The following SLCO2A1 variants were observed in gnomAD, a reference collection of about 807,000 sequenced individuals.
SLCO2A1 encodes matrin F/G 1.
In SLCO2A1, 60 loss-of-function variants were observed where a neutral mutation model predicts 71.7. That is an observed-to-expected ratio of 0.84 (90% CI 0.68 to 1.04). The LOEUF is 1.04. Ranked by LOEUF, SLCO2A1 falls within the 50% of genes least tolerant of loss-of-function variation. SLCO2A1 has a pLI of 0.00. For synonymous variants in SLCO2A1, 308 were observed against 326.7 expected, an observed-to-expected ratio of 0.94 and a Z score of 0.62; for missense variants, 745 against 813.4, an observed-to-expected ratio of 0.92 and a Z score of 1.02.
At chr3:133,978,472 G>A (rs778845401) in intron 2 of SLCO2A1, among the ~76,000 whole-genome samples, 1 of 152,120 alleles carries the variant, frequency 6.6e-6, no homozygotes, top group Non-Finnish European at 1.5e-5. Context: ...ATCAAGGAAG[G>A]GGGAGGGGTG....
chr3:134,009,661 T>C (rs1381428877), intron 1 of SLCO2A1, among the ~76,000 whole-genome samples: 1 of 152,180 alleles, frequency 6.6e-6, no homozygotes, highest in Non-Finnish European at 1.5e-5. Flanking sequence ...CTTACAACCA[T>C]GGGTTAGGGA....
chr3:133,998,537 T>C (rs779335750), intron 1 of SLCO2A1: 1 of 152,340 alleles, frequency 6.6e-6, no homozygotes, highest in African/African-American at 2.4e-5. Flanking sequence ...TGACTGTTCA[T>C]GTCCCATGAG....
At chr3:133,986,788 C>T (rs1050436369) in intron 1 of SLCO2A1, among the ~76,000 whole-genome samples, 9 of 152,144 alleles carry the variant, frequency 5.9e-5, no homozygotes, top group African/African-American at 2.2e-4. Flanking sequence ...GGTGGATAAG[C>T]CACAGGACAA....
chr3:134,027,678 C>A (rs1429751919), intron 1 of SLCO2A1, among the ~76,000 whole-genome samples: 1 of 152,214 alleles, frequency 6.6e-6, no homozygotes, highest in Non-Finnish European at 1.5e-5. Context: ...ATATGTGCAA[C>A]CCATCCCCCA....
intron 1 of SLCO2A1, among the ~76,000 whole-genome samples, chr3:133,991,313 A>G (rs1459726231): frequency 1.3e-5 from 2 of 152,190 alleles, no homozygotes; most frequent in African/African-American, 4.8e-5. Flanking sequence ...AAAGCCCTCC[A>G]TCAGCCGTTG....
chr3:133,939,233 A>T, intron 11 of SLCO2A1, among the ~76,000 whole-genome samples: 1 of 152,152 alleles, frequency 6.6e-6, no homozygotes, highest in East Asian at 1.9e-4. Context: ...TCAAGAGAGG[A>T]AAATGTGTTT....
intron 9 of SLCO2A1, among the ~76,000 whole-genome samples, chr3:133,946,190 C>A (rs1057245855): frequency 6.6e-6 from 1 of 151,502 alleles, no homozygotes; most frequent in Non-Finnish European, 1.5e-5. Flanking sequence ...TTCCCCCAAA[C>A]CCCTTCTCTC....
chr3:133,987,131 G>GCCCCCCCCCCCCCCC (rs71136502), intron 1 of SLCO2A1, among the ~76,000 whole-genome samples: 5 of 105,032 alleles, frequency 4.8e-5, no homozygotes, highest in Admixed American at 9.5e-5. Context: ...AAAATTCAAA[G>GCCCCCCCCCCCCCCC]CCCCCCCCCC....
At chr3:134,022,421 A>G (rs922362714) in intron 1 of SLCO2A1, among the ~76,000 whole-genome samples, 2 of 150,684 alleles carry the variant, frequency 1.3e-5, no homozygotes, top group African/African-American at 5.0e-5. Context: ...TAAAAAGTTA[A>G]AAAAAATTAT....
In SLCO2A1 at chr3:133,958,908, G is replaced by A. The variant is rs78179912; in HGVS notation, c.398-3715C>T. ...GCTTGGCTGAGCCATTCCCCTCGGTGTGACAGTGGCTCTCTGTGGCACGTT... is the reference window on the plus strand; with the variant it reads ...GCTTGGCTGAGCCATTCCCCTCGGTATGACAGTGGCTCTCTGTGGCACGTT... On this transcript the variant is annotated intron_variant, in intron 3 of 13. Transcript: ENST00000310926. Among the ~76,000 whole-genome samples the A allele has an allele frequency of 9.1e-3, 1,383 of 152,314 alleles. 10 individuals carry two copies. Among genetic ancestry groups the A allele is most frequent in the Non-Finnish European group, 0.016 (1,113 of 68,038 alleles).
At chr3:133,941,897 C>T (rs749110837) in intron 11 of SLCO2A1, among the ~76,000 whole-genome samples, 4 of 152,202 alleles carry the variant, frequency 2.6e-5, no homozygotes, top group Non-Finnish European at 4.4e-5. Context: ...ATAAGCAAAC[C>T]TACAGGCATT....
chr3:133,999,300 A>G (rs1255202582), intron 1 of SLCO2A1, among the ~76,000 whole-genome samples: 1 of 152,230 alleles, frequency 6.6e-6, no homozygotes, highest in East Asian at 1.9e-4. Context: ...GCAATGATGC[A>G]CACAGTTTAC....
chr3:134,005,428 A>T (rs1935185472), intron 1 of SLCO2A1, among the ~76,000 whole-genome samples: 1 of 150,266 alleles, frequency 6.7e-6, no homozygotes, highest in Non-Finnish European at 1.5e-5. Context: ...TTTTTATCCA[A>T]TCTGAGATGC....
Position 134,016,574 on chromosome 3 carries a change from C to T in SLCO2A1, c.96+13133G>A, listed in dbSNP as rs967566390. Among the ~76,000 whole-genome samples, 4 of 152,218 alleles carry T rather than the reference C, an allele frequency of 2.6e-5. No individual in the cohort carries two copies. In the South Asian group the frequency reaches 6.2e-4, roughly 24 times the overall value. Reference sequence around the variant, plus strand: ...GGTGTCACAGCAACTGGGTCTCTCACATATGGCTGGTGAAAATGTAAACTG... The same window carrying T: ...GGTGTCACAGCAACTGGGTCTCTCATATATGGCTGGTGAAAATGTAAACTG... On this transcript the variant is annotated intron_variant, in intron 1 of 13. Transcript: ENST00000310926.
At chr3:133,987,593 C>T (rs1054885066) in intron 1 of SLCO2A1, among the ~76,000 whole-genome samples, 1 of 152,174 alleles carries the variant, frequency 6.6e-6, no homozygotes, top group Non-Finnish European at 1.5e-5. Flanking sequence ...CTCCTGTCTC[C>T]CTAAAATGTA....
chr3:133,991,023 T>A (rs1409297148), intron 1 of SLCO2A1, among the ~76,000 whole-genome samples: 2 of 151,984 alleles, frequency 1.3e-5, no homozygotes, highest in East Asian at 3.9e-4. Flanking sequence ...GGCAGGAGAA[T>A]CGCTTAAACC....
chr3:134,029,732 G>T lies in SLCO2A1; in HGVS notation c.71C>A (p.Ala24Asp). 1 of 1,589,786 alleles carries T rather than the reference G, an allele frequency of 6.3e-7. No homozygotes were observed. Among genetic ancestry groups the T allele is most frequent in the Non-Finnish European group, 8.5e-7 (1 of 1,172,000 alleles). Residue 24 changes from alanine (A) to aspartate (D), a missense_variant, in exon 1 of 14, where the codon GCC (alanine) becomes GAC (aspartate). Transcript: ENST00000310926. ...CTTAATGTTGCCGAAGACCGAGCGG[G>T]CACAGCGGCCGGCTCGGCTAGTAGA... The part of the protein sequence containing the change: ...DTSTSRAGRC[A>D]RSVFGNIKVF...
rs190061442 is a variant in SLCO2A1, at chr3:134,016,310, T to C, written c.96+13397A>G. ...CCACAAGAGACTTGTGCCTAACATATATAAAGAACTCTCAAAATGCAACTG... is the reference window on the plus strand; with the variant it reads ...CCACAAGAGACTTGTGCCTAACATACATAAAGAACTCTCAAAATGCAACTG... On this transcript the variant is annotated intron_variant, in intron 1 of 13. Coordinates refer to ENST00000310926, the MANE Select transcript of SLCO2A1 (RefSeq NM_005630.3). Among the ~76,000 whole-genome samples, 247 of 151,452 alleles carry C rather than the reference T, an allele frequency of 1.6e-3. 1 individual carries two copies. The highest frequency in any genetic ancestry group is 5.6e-3 in the African/African-American group (232 of 41,248).
intron 1 of SLCO2A1, among the ~76,000 whole-genome samples, chr3:133,982,604 G>C (rs1243234937): frequency 6.6e-6 from 1 of 151,914 alleles, no homozygotes; most frequent in Non-Finnish European, 1.5e-5. Flanking sequence ...AATCCTTCTT[G>C]ATGTCCCTCC....
Sources: allele counts gnomAD v4.1 joint callset (sites outside exome capture counted in the v4.1 genomes callset), GRCh38; gene constraint gnomAD v4.1.1; transcripts MANE v1.5; gene names NCBI Gene and HGNC (gene_info 2026-07-23, HGNC 2026-07-21).